Variants in C2orf42 observed in about 807,000 individuals in gnomAD.
C2orf42 encodes the protein uncharacterized protein C2orf42.
Under a neutral mutation model 58.9 loss-of-function variants are expected in C2orf42, and 44 were observed. The ratio of observed to expected loss-of-function variants is 0.75; its 90% CI spans 0.59 to 0.96. C2orf42 has a LOEUF of 0.96. C2orf42 is among the 40% of genes least tolerant of loss of function. The pLI is 0.00. For missense variants in C2orf42, 630 were observed against 699.2 expected, an observed-to-expected ratio of 0.90 and a Z score of 1.12; for synonymous variants, 239 against 265.4, an observed-to-expected ratio of 0.90 and a Z score of 0.97.
intron 9 of C2orf42, among the ~76,000 whole-genome samples, chr2:70,158,559 C>T (rs889581491): frequency 1.3e-5 from 2 of 152,084 alleles, no homozygotes; most frequent in African/African-American, 4.8e-5. Flanking sequence ...AAGCAATTCC[C>T]CTACCTCAGC....
intron 5 of C2orf42, among the ~76,000 whole-genome samples, chr2:70,170,634 A>G (rs924722216): frequency 2.6e-5 from 4 of 151,918 alleles, no homozygotes; most frequent in Admixed American, 6.6e-5. Flanking sequence ...ATGCACCTTA[A>G]TCACAGCTAC....
chr2:70,187,846 A>ACG (rs1185492250), intron 1 of C2orf42, among the ~76,000 whole-genome samples: 1 of 151,296 alleles, frequency 6.6e-6, no homozygotes, highest in African/African-American at 2.4e-5. Flanking sequence ...ACATGCCACC[A>ACG]CGCCCAGCTA....
intron 1 of C2orf42, among the ~76,000 whole-genome samples, chr2:70,186,313 TAC>T (rs756925138): frequency 9.3e-5 from 14 of 151,176 alleles, no homozygotes; most frequent in Non-Finnish European, 1.6e-4. Flanking sequence ...TATGTATATA[TAC>T]ACACACACAC....
chr2:70,157,154 G>T (rs1306810242), intron 9 of C2orf42, among the ~76,000 whole-genome samples: 1 of 152,042 alleles, frequency 6.6e-6, no homozygotes, highest in Non-Finnish European at 1.5e-5. Flanking sequence ...TAACAAAGAG[G>T]ACTTAAACAC....
chr2:70,189,451 C>A (rs1349131071), intron 1 of C2orf42, among the ~76,000 whole-genome samples: 1 of 144,878 alleles, frequency 6.9e-6, no homozygotes, highest in Non-Finnish European at 1.5e-5. Flanking sequence ...GGCGCGGTGG[C>A]TCACGCCTGT....
At chr2:70,171,674 G>A (rs1191596452) in intron 5 of C2orf42, among the ~76,000 whole-genome samples, 1 of 151,740 alleles carries the variant, frequency 6.6e-6, no homozygotes, top group African/African-American at 2.4e-5. Flanking sequence ...ACCGTGCCTG[G>A]CTAATTTTTG....
chr2:70,185,098 T>A (rs892519691), intron 1 of C2orf42, among the ~76,000 whole-genome samples: 5 of 146,314 alleles, frequency 3.4e-5, no homozygotes, highest in East Asian at 2.1e-4. Flanking sequence ...TCAAAAAAAA[T>A]AAAAATAAAA....
chr2:70,174,886 G>C (rs1674082452), intron 5 of C2orf42, among the ~76,000 whole-genome samples: 1 of 151,700 alleles, frequency 6.6e-6, no homozygotes, highest in South Asian at 2.1e-4. Context: ...TGGCCAGACT[G>C]GTCTCAAACT....
chr2:70,157,482 AAAC>A, intron 9 of C2orf42, among the ~76,000 whole-genome samples: 2 of 140,238 alleles, frequency 1.4e-5, no homozygotes, highest in African/African-American at 2.8e-5. Flanking sequence ...AACAAACAAA[AAAC>A]CACCAAAATA....
chr2:70,160,702 CT>C lies in C2orf42; in HGVS notation c.1438del (p.Ser480AlafsTer2). On this transcript the variant is annotated frameshift_variant, in exon 9 of 10. Coordinates refer to ENST00000264434, the MANE Select transcript of C2orf42 (RefSeq NM_017880.3). LOFTEE classifies it high-confidence loss of function. ...TATACGACCGTAGGTTTCTGCTATG[CT>C]TTCTACTTCCACTTTAGGGCATTTA... The part of the protein sequence containing the change: ...LFKCPKVEVE[S>X]IAETYGRIEK... 6.2e-7 allele frequency: 1 copy of C among 1,613,324 alleles called. No individual in the cohort carries two copies. Among genetic ancestry groups the C allele is most frequent in the Non-Finnish European group, 8.5e-7 (1 of 1,179,434 alleles).
At chr2:70,151,438 C>A (rs942457179) in intron 9 of C2orf42, among the ~76,000 whole-genome samples, 5 of 152,052 alleles carry the variant, frequency 3.3e-5, no homozygotes, top group Non-Finnish European at 5.9e-5. Flanking sequence ...GAGTTTGAGA[C>A]CAGCCTGACC....
At position 70,180,843 on chromosome 2, in the gene C2orf42, A is replaced by T. The variant is rs534311235; in HGVS notation, c.823+320T>A. 5.3e-5 allele frequency among the ~76,000 whole-genome samples: 8 copies of T among 151,160 alleles called. No homozygotes were observed. In the South Asian group the frequency reaches 1.7e-3, roughly 32 times the overall value. On this transcript the variant is annotated intron_variant, in intron 3 of 9. Coordinates refer to ENST00000264434, the MANE Select transcript of C2orf42 (RefSeq NM_017880.3). ...AAAGTAAGACCCCTATCTGCAAAAA[A>T]TTAAAAAAATTAGCCAGGCATGGTG...
rs758604626 is a variant in C2orf42, at chr2:70,150,106, T to C, written c.*250A>G. On this transcript the variant is annotated 3_prime_UTR_variant, in exon 10 of 10. Coordinates refer to ENST00000264434, the MANE Select transcript of C2orf42 (RefSeq NM_017880.3). ...AAGGAAAATAAGCTGGTTTTCTTTC[T>C]GTTCCTTTTAAAACTCTAGCCAGAA... is the stretch of plus-strand genomic sequence containing the variant. 17 of 530,416 alleles carry C rather than the reference T, an allele frequency of 3.2e-5. No individual in the cohort carries two copies. Among genetic ancestry groups the C allele is most frequent in the Non-Finnish European group, 5.1e-5 (15 of 296,342 alleles). 32.9% of individuals were successfully genotyped at this position (530,416 alleles called of 1,614,324 possible).
intron 6 of C2orf42, among the ~76,000 whole-genome samples, chr2:70,168,534 C>T (rs1042015413): frequency 4.0e-5 from 6 of 151,110 alleles, no homozygotes; most frequent in African/African-American, 9.7e-5. Flanking sequence ...GTGATCCGCC[C>T]GCCTCAGCCT....
intron 9 of C2orf42, among the ~76,000 whole-genome samples, chr2:70,160,343 T>C (rs764687519): frequency 6.6e-6 from 1 of 152,090 alleles, no homozygotes; most frequent in East Asian, 1.9e-4. Context: ...GGTTTCACCA[T>C]GTTGGCCAGG....
intron 1 of C2orf42, among the ~76,000 whole-genome samples, chr2:70,184,781 G>A (rs908322208): frequency 3.4e-4 from 51 of 151,336 alleles, no homozygotes; most frequent in Non-Finnish European, 5.6e-4. Context: ...ATGCCCAGTG[G>A]TCTCTATTCT....
rs987106150 is a variant in C2orf42, at chr2:70,159,192, G to A, written c.1516+1433C>T. ...TGAGCCACCGTGCCCGGCCCTCGGC[G>A]GAGTATTCCTTTTAAAAGCTACAAA... On this transcript the variant is annotated intron_variant, in intron 9 of 9. Coordinates refer to ENST00000264434, the MANE Select transcript of C2orf42 (RefSeq NM_017880.3). Among the ~76,000 whole-genome samples, 11 of 151,850 alleles carry A rather than the reference G, an allele frequency of 7.2e-5. No homozygotes were observed. The South Asian group carries it at 8.3e-4, about 11-fold the overall frequency.
Position 70,181,455 on chromosome 2 carries a change from T to C in C2orf42, c.531A>G (p.Thr177=), listed in dbSNP as rs1175733942. 1 of 1,613,986 alleles carries C rather than the reference T, an allele frequency of 6.2e-7. No individual in the cohort carries two copies. The highest frequency in any genetic ancestry group is 1.1e-5 in the South Asian group (1 of 91,076). The change falls in exon 3 of 10, where the codon ACA becomes ACG. Residue 177 remains threonine, a synonymous_variant. Transcript: ENST00000264434. ...QTIWQLATEP[T]GPLVQRITKN... is the part of the protein sequence containing the mutation. ...TAGTAATTCTCTGCACCAGAGGACC[T>C]GTGGGTTCCGTGGCCAACTGCCAGA...
chr2:70,169,529 A>G, intron 6 of C2orf42, 28 bp downstream of exon 6: 1 of 1,144,134 alleles, frequency 8.7e-7, no homozygotes, highest in South Asian at 1.3e-5. Context: ...ACTTTCAGCA[A>G]GAGCCCAGTT....
Sources: gnomAD v4.1 joint callset for allele counts (sites outside exome capture counted in the v4.1 genomes callset) on GRCh38, gnomAD v4.1.1 for gene constraint, MANE v1.5 for transcripts, NCBI Gene and HGNC (gene_info 2026-07-23, HGNC 2026-07-21) for gene names.